The following RWDD1 variants were observed in gnomAD, a reference collection of about 807,000 sequenced individuals.
RWDD1 encodes the protein RWD domain-containing protein 1.
In RWDD1, 17 loss-of-function variants were observed where a neutral mutation model predicts 31.6. The ratio of observed to expected loss-of-function variants is 0.54; its 90% CI spans 0.37 to 0.81. RWDD1 has a LOEUF of 0.81. Among genes scored for constraint, RWDD1 ranks in the 30% least tolerant of loss-of-function variants. The pLI is 0.00. For missense variants in RWDD1, 204 were observed against 274.5 expected (o/e 0.74, Z 1.82); for synonymous variants, 78 against 94.2 (o/e 0.83, Z 0.99).
At chr6:116,589,320 C>A (rs1006046205) in intron 4 of RWDD1, among the ~76,000 whole-genome samples, 1 of 152,020 alleles carries the variant, frequency 6.6e-6, no homozygotes, top group Non-Finnish European at 1.5e-5. Flanking sequence ...TTGGGCCATA[C>A]ATAAAATACA....
At chr6:116,581,905 G>C (rs1774953643) in intron 2 of RWDD1, among the ~76,000 whole-genome samples, 1 of 151,884 alleles carries the variant, frequency 6.6e-6, no homozygotes, top group South Asian at 2.1e-4. Flanking sequence ...TAATGTCATT[G>C]TTTCTATCTT....
chr6:116,580,826 A>G (rs1291659360), intron 2 of RWDD1, among the ~76,000 whole-genome samples: 3 of 152,092 alleles, frequency 2.0e-5, no homozygotes, highest in Admixed American at 2.0e-4. Flanking sequence ...TTCTTTTGAA[A>G]TAACGTAACT....
At chr6:116,591,852 A>G (rs1346101678) in intron 6 of RWDD1, among the ~76,000 whole-genome samples, 1 of 152,288 alleles carries the variant, frequency 6.6e-6, no homozygotes, top group Non-Finnish European at 1.5e-5. Flanking sequence ...AAGAAGGTTA[A>G]GAAGCAGTAT....
rs1311038880 is a variant in RWDD1, at chr6:116,594,512, T to G, written c.*1411T>G. ...GATTATTCTGATGCACAATCTGGGT[T>G]AAGAACCACTGTCCTGTAGTCGTGA... On this transcript the variant is annotated 3_prime_UTR_variant, in exon 7 of 7. Coordinates refer to ENST00000466444, the MANE Select transcript of RWDD1 (RefSeq NM_015952.4). The G allele has an allele frequency of 1.3e-5, 2 of 152,218 alleles. No homozygotes were observed. The highest frequency in any genetic ancestry group is 3.8e-4 in the East Asian group (2 of 5,200). 9.4% of individuals were successfully genotyped at this position (152,218 alleles called of 1,614,324 possible). A position where few individuals can be genotyped will look rare whatever the true frequency, so the allele number is the denominator to read the frequency against.
chr6:116,591,544 TC>T (rs1357403914), intron 6 of RWDD1, among the ~76,000 whole-genome samples: 1 of 152,240 alleles, frequency 6.6e-6, no homozygotes, highest in Non-Finnish European at 1.5e-5. Context: ...GAGCATCTAG[TC>T]CCTTGTGCTT....
At position 116,580,256 on chromosome 6, in the gene RWDD1, G is replaced by T; in HGVS notation, c.74-39G>T. The T allele has an allele frequency of 2.0e-6, 3 of 1,482,572 alleles. No homozygotes were observed. The South Asian group carries it at 3.6e-5, about 18-fold the overall frequency. 91.8% of individuals were successfully genotyped at this position (1,482,572 alleles called of 1,614,324 possible). A position where few individuals can be genotyped will look rare whatever the true frequency, so the allele number is the denominator to read the frequency against. The stretch of plus-strand genomic sequence containing the variant: ...CTAATAAGGAAAAGCATCTGCCTTA[G>T]AAAGCATTTCAATAACTTCTGTGTG... On this transcript the variant is annotated intron_variant, in intron 1 of 6. Transcript: ENST00000466444.
Position 116,593,292 on chromosome 6 carries a change from C to A in RWDD1, c.*191C>A. Reference sequence around the variant, plus strand: ...AATATAAAATGTTCAAGGCTTCTTACTGTTGAGCACAAGGTTACGTATTTA... The same window carrying A: ...AATATAAAATGTTCAAGGCTTCTTAATGTTGAGCACAAGGTTACGTATTTA... On this transcript the variant is annotated 3_prime_UTR_variant, in exon 7 of 7. Coordinates refer to ENST00000466444, the MANE Select transcript of RWDD1 (RefSeq NM_015952.4). The A allele has an allele frequency of 4.0e-6, 2 of 501,828 alleles. No individual in the cohort carries two copies. Among genetic ancestry groups the A allele is most frequent in the African/African-American group, 2.0e-5 (1 of 50,690 alleles). The allele number at this position is 501,828 out of a possible 1,614,324, so 31.1% of individuals were successfully genotyped here.
chr6:116,572,376 A>G (rs927513831), intron 1 of RWDD1: 1 of 152,232 alleles, frequency 6.6e-6, no homozygotes, highest in Non-Finnish European at 1.5e-5. Context: ...CAGGGCTGGT[A>G]CTGAGTTATA....
chr6:116,591,628 C>T (rs1244157662), intron 6 of RWDD1, among the ~76,000 whole-genome samples: 1 of 152,374 alleles, frequency 6.6e-6, no homozygotes, highest in South Asian at 2.1e-4. Context: ...ACTGTCCTGG[C>T]CACTGAGGAT....
chr6:116,592,005 TTA>T (rs1304098756), intron 6 of RWDD1, among the ~76,000 whole-genome samples: 2 of 152,258 alleles, frequency 1.3e-5, no homozygotes, highest in African/African-American at 4.8e-5. Context: ...GTTTCTTAAA[TTA>T]TTTCCCTAAA....
At position 116,594,720 on chromosome 6, in the gene RWDD1, CA is replaced by C. The variant is rs1775213825; in HGVS notation, c.*1621del. 6.6e-6 allele frequency: 1 copy of C among 152,182 alleles called. No homozygotes were observed. Among genetic ancestry groups the C allele is most frequent in the South Asian group, 2.1e-4 (1 of 4,826 alleles). The allele number at this position is 152,182 out of a possible 1,614,324, so 9.4% of individuals were successfully genotyped here. ...CCAGGTAGGAGAGCCAGTCTTCATG[CA>C]AGTTATTCAGTCACTACAGTTTTGG... On this transcript the variant is annotated 3_prime_UTR_variant, in exon 7 of 7. Coordinates refer to ENST00000466444, the MANE Select transcript of RWDD1 (RefSeq NM_015952.4).
At position 116,594,948 on chromosome 6, in the gene RWDD1, A is replaced by G. The variant is rs971933872; in HGVS notation, c.*1847A>G. On this transcript the variant is annotated 3_prime_UTR_variant, in exon 7 of 7. Coordinates refer to ENST00000466444, the MANE Select transcript of RWDD1 (RefSeq NM_015952.4). ...TAAAATTACCATTGAGGAGTTTAAT[A>G]CTTTTCAAGGAATCTTCACGTCAGC... 6.6e-6 allele frequency: 1 copy of G among 152,242 alleles called. No individual in the cohort carries two copies. Among genetic ancestry groups the G allele is most frequent in the Non-Finnish European group, 1.5e-5 (1 of 68,038 alleles). The allele number at this position is 152,242 out of a possible 1,614,324, so 9.4% of individuals were successfully genotyped here. A position where few individuals can be genotyped will look rare whatever the true frequency, so the allele number is the denominator to read the frequency against.
rs1214865148 is a variant in RWDD1, at chr6:116,595,936, T to A, written c.*2835T>A. On this transcript the variant is annotated 3_prime_UTR_variant, in exon 7 of 7. Transcript: ENST00000466444. Reference sequence around the variant, plus strand: ...CCAGTTGGGGTAAAACTAAGAGGAGTGATAATAACATCTCATCAATTTAAA... The same window carrying A: ...CCAGTTGGGGTAAAACTAAGAGGAGAGATAATAACATCTCATCAATTTAAA... 1 of 151,768 alleles carries A rather than the reference T, an allele frequency of 6.6e-6. No individual in the cohort carries two copies. The highest frequency in any genetic ancestry group is 1.5e-5 in the Non-Finnish European group (1 of 67,982). The allele number at this position is 151,768 out of a possible 1,614,324, so 9.4% of individuals were successfully genotyped here.
chr6:116,588,753 T>C, intron 3 of RWDD1, 89 bp from the exon 4 acceptor site: 1 of 829,120 alleles, frequency 1.2e-6, no homozygotes, highest in Non-Finnish European at 1.8e-6. Flanking sequence ...TGTATGAACA[T>C]AGAATATAAC....
chr6:116,590,993 G>A, intron 6 of RWDD1, 43 bp downstream of exon 6: 2 of 1,528,122 alleles, frequency 1.3e-6, no homozygotes, highest in Non-Finnish European at 1.7e-6. Flanking sequence ...AGGCACAGTA[G>A]CTCAAACCTG....
At chr6:116,590,748 C>T in intron 5 of RWDD1, 140 bp from the exon 6 acceptor site, 2 of 1,323,266 alleles carry the variant, frequency 1.5e-6, no homozygotes, top group Non-Finnish European at 2.0e-6. Flanking sequence ...ATTTCATATG[C>T]CACTTAGCTA....
chr6:116,571,555 C>A lies in RWDD1; in HGVS notation c.-28C>A. 1.9e-6 allele frequency: 3 copies of A among 1,608,292 alleles called. No homozygotes were observed. Among genetic ancestry groups the A allele is most frequent in the South Asian group, 1.1e-5 (1 of 90,598 alleles). ...GCTGCGCGCCGCCTAGGTGTCTGGG[C>A]GATCTATGGGCAAGAGCAAGGGCCA... On this transcript the variant is annotated 5_prime_UTR_variant, in exon 1 of 7. Coordinates refer to ENST00000466444, the MANE Select transcript of RWDD1 (RefSeq NM_015952.4).
At chr6:116,571,729 G>C in intron 1 of RWDD1, 74 bp downstream of exon 1, 1 of 1,403,140 alleles carries the variant, frequency 7.1e-7, no homozygotes, top group Non-Finnish European at 9.8e-7. Context: ...GCAGCTCTGG[G>C]CCTCATAGGT....
intron 1 of RWDD1, 121 bp from the exon 2 acceptor site, chr6:116,580,174 G>T: frequency 3.8e-6 from 2 of 525,656 alleles, no homozygotes; most frequent in South Asian, 3.1e-5. Flanking sequence ...GTCTGTATTT[G>T]TGGAAATGGA....
Sources: gnomAD v4.1 joint callset for allele counts (sites outside exome capture counted in the v4.1 genomes callset) on GRCh38, gnomAD v4.1.1 for gene constraint, MANE v1.5 for transcripts, NCBI Gene and HGNC (gene_info 2026-07-23, HGNC 2026-07-21) for gene names.